RSRP1: variants seen among roughly 807,000 people sequenced by gnomAD.
RSRP1 encodes arginine/serine-rich protein 1.
In RSRP1, 37 loss-of-function variants were observed where a neutral mutation model predicts 33.0. The ratio of observed to expected loss-of-function variants is 1.12; its 90% confidence interval spans 0.86 to 1.48. The LOEUF (loss-of-function observed/expected upper bound fraction) is 1.48. Ranked by LOEUF, RSRP1 falls within the 40% of genes most tolerant of loss-of-function variation. The probability of loss-of-function intolerance (pLI) is 0.00; values close to 1 mark genes in which losing one functional copy is unlikely to be tolerated. For missense variants in RSRP1, 402 were observed against 385.3 expected, an observed-to-expected ratio of 1.04 and a Z score of -0.36; for synonymous variants, 167 against 158.7, an observed-to-expected ratio of 1.05 and a Z score of -0.40.
rs1320086255 is a variant in RSRP1, at chr1:25,315,473, T to C, written c.-67+22505A>G. On this transcript the variant is annotated intron_variant, in intron 1 of 1. Transcript: ENST00000561867. ...AGCAGGGTGGCAACTCTTTTTATCT[T>C]TTTAATTTATTTTTCTTTTCTTTCT... Among the ~76,000 whole-genome samples, 12 of 126,624 alleles carry C rather than the reference T, an allele frequency of 9.5e-5. 1 individual carries two copies. Among genetic ancestry groups the C allele is most frequent in the Non-Finnish European group, 7.4e-5 (4 of 54,356 alleles). The allele number at this position is 126,624 out of a possible 152,430, so 83.1% of individuals were successfully genotyped here.
rs1639289692 is a variant in RSRP1 at position 25,245,431 on chromosome 1, G to A, written c.521-130C>T. ...ATATTAAGTCACTTGTTTTATAATAGGTAAACTAAGGTTGCCCTTGAACAC... is the reference window on the plus strand; with the variant it reads ...ATATTAAGTCACTTGTTTTATAATAAGTAAACTAAGGTTGCCCTTGAACAC... On this transcript the variant is annotated intron_variant, in intron 2 of 4. Coordinates refer to ENST00000243189, the MANE Select transcript of RSRP1 (RefSeq NM_020317.5). 9 of 1,267,402 alleles carry A rather than the reference G, an allele frequency of 7.1e-6. 1 individual carries two copies. In the South Asian group the frequency reaches 1.1e-4, roughly 16 times the overall value. 78.5% of individuals were successfully genotyped at this position (1,267,402 alleles called of 1,614,324 possible).
chr1:25,286,792 A>C (rs1477066069), intron 1 of RSRP1, among the ~76,000 whole-genome samples: 2 of 132,532 alleles, frequency 1.5e-5, no homozygotes, highest in Non-Finnish European at 3.5e-5. Context: ...TCTCAAAAAA[A>C]AAAAACAAAA....
chr1:25,253,916 G>A (rs1272377391), intron 1 of RSRP1: 2 of 152,206 alleles, frequency 1.3e-5, no homozygotes, highest in East Asian at 1.9e-4. Flanking sequence ...AGGATTAGAG[G>A]AGCGTATCCA....
chr1:25,251,074 G>A (rs1479629772), upstream of RSRP1, among the ~76,000 whole-genome samples: 1 of 151,862 alleles, frequency 6.6e-6, no homozygotes, highest in African/African-American at 2.4e-5. Flanking sequence ...GCAAGGGCAG[G>A]GAAAGAACTC....
chr1:25,244,085 G>A (rs985869400), intron 3 of RSRP1: 18 of 1,211,624 alleles, frequency 1.5e-5, no homozygotes, highest in Admixed American at 3.6e-5. Flanking sequence ...CCCCCGAGAC[G>A]GGAGTCTTGC....
chr1:25,322,775 G>A (rs1571763485), intron 1 of RSRP1, among the ~76,000 whole-genome samples: 1 of 121,916 alleles, frequency 8.2e-6, no homozygotes, highest in East Asian at 2.0e-4. Flanking sequence ...TTTATTAGCC[G>A]GCGACCTAGA....
At chr1:25,270,202 G>A (rs1014407092) in intron 1 of RSRP1, among the ~76,000 whole-genome samples, 1 of 131,626 alleles carries the variant, frequency 7.6e-6, no homozygotes, top group African/African-American at 2.6e-5. Context: ...CTGACCTCTG[G>A]GGATTGGGGT....
chr1:25,282,670 A>G lies in RSRP1; in HGVS notation c.-66-35641T>C, dbSNP rs1373641627. On this transcript the variant is annotated intron_variant, in intron 1 of 1. Transcript: ENST00000561867. ...CTGGGCACGATGGCTCATGCCTGTAATCCCAGCACTTTGGGAGACGGAGGT... is the reference window on the plus strand; with the variant it reads ...CTGGGCACGATGGCTCATGCCTGTAGTCCCAGCACTTTGGGAGACGGAGGT... 1.5e-5 allele frequency among the ~76,000 whole-genome samples: 2 copies of G among 132,036 alleles called. 1 individual carries two copies. The highest frequency in any genetic ancestry group is 1.5e-4 in the Admixed American group (2 of 13,528). 86.6% of individuals were successfully genotyped at this position (132,036 alleles called of 152,430 possible). A position where few individuals can be genotyped will look rare whatever the true frequency, so the allele number is the denominator to read the frequency against.
At chr1:25,260,291 A>C (rs1487353379) in intron 1 of RSRP1, among the ~76,000 whole-genome samples, 1 of 152,234 alleles carries the variant, frequency 6.6e-6, no homozygotes, top group Non-Finnish European at 1.5e-5. Context: ...AAGCCAACAA[A>C]CTACCAAGTT....
chr1:25,312,941 A>AAAAAAAAAAAAAAAC (rs1301877779), intron 1 of RSRP1, among the ~76,000 whole-genome samples: 4 of 109,426 alleles, frequency 3.7e-5, no homozygotes, highest in Non-Finnish European at 6.7e-5. Flanking sequence ...AAAAAAAAAA[A>AAAAAAAAAAAAAAAC]AAAAAAAAAA....
chr1:25,247,081 G>A, intron 1 of RSRP1, 52 bp from the exon 2 acceptor site: 1 of 1,146,160 alleles, frequency 8.7e-7, no homozygotes, highest in East Asian at 2.7e-5. Context: ...CCGGCGCCTG[G>A]CCACCCGGAA....
intron 1 of RSRP1, among the ~76,000 whole-genome samples, chr1:25,330,958 T>C (rs1306509112): frequency 1.3e-5 from 1 of 77,516 alleles, no homozygotes; most frequent in Non-Finnish European, 3.1e-5. Flanking sequence ...TCTTCCTTTT[T>C]TTTTTTTTTT....
rs121912762 is a variant in RSRP1 at position 25,284,753 on chromosome 1, T to C, written c.-66-37724A>G. ...CCTTCTGGGAAGGTGGTCATCACAC[T>C]GTTCAGGTATTGGGATGGTGGCTGG... On this transcript the variant is annotated intron_variant, in intron 1 of 1. Transcript: ENST00000561867. 1.5e-3 allele frequency: 2,025 copies of C among 1,388,154 alleles called. 7 individuals are homozygous for C. Among genetic ancestry groups the C allele is most frequent in the Middle Eastern group, 3.1e-3 (17 of 5,538 alleles). 86.0% of individuals were successfully genotyped at this position (1,388,154 alleles called of 1,614,324 possible).
At chr1:25,261,619 T>TGA (rs1640155546) in intron 1 of RSRP1, among the ~76,000 whole-genome samples, 1 of 151,684 alleles carries the variant, frequency 6.6e-6, no homozygotes, top group African/African-American at 2.4e-5. Context: ...TTAGCCAGGA[T>TGA]GGTCTCAATC....
At chr1:25,303,375 T>C (rs1335027714) in intron 1 of RSRP1, 2 of 1,377,726 alleles carry the variant, frequency 1.5e-6, no homozygotes, top group African/African-American at 2.8e-5. Context: ...GTACCTCGTG[T>C]CACCTGATCC....
chr1:25,278,370 C>A (rs1280428726), intron 1 of RSRP1, among the ~76,000 whole-genome samples: 1 of 130,180 alleles, frequency 7.7e-6, no homozygotes, highest in East Asian at 2.0e-4. Context: ...CAGAGAGTAT[C>A]AATTACCTAT....
chr1:25,278,047 T>C (rs561545693), intron 1 of RSRP1, among the ~76,000 whole-genome samples: 2 of 130,564 alleles, frequency 1.5e-5, no homozygotes, highest in East Asian at 3.9e-4. Context: ...CCAGCTACCC[T>C]GGTGATTGTA....
chr1:25,305,626 T>A (rs1643759183), intron 1 of RSRP1, among the ~76,000 whole-genome samples: 1 of 124,360 alleles, frequency 8.0e-6, no homozygotes, highest in Non-Finnish European at 1.9e-5. Context: ...GTTGAGACGG[T>A]GTCTCGCTCT....
rs1178298068 is a variant in RSRP1 at position 25,334,400 on chromosome 1, G to C, written c.-67+3578C>G. 6.1e-5 allele frequency among the ~76,000 whole-genome samples: 8 copies of C among 132,068 alleles called. 3 individuals are homozygous for C. Among genetic ancestry groups the C allele is most frequent in the Non-Finnish European group, 1.4e-4 (8 of 55,770 alleles). The allele number at this position is 132,068 out of a possible 152,430, so 86.6% of individuals were successfully genotyped here. A position where few individuals can be genotyped will look rare whatever the true frequency, so the allele number is the denominator to read the frequency against. ...CAGCTCTGCCCCTGTACCTTTGCAG[G>C]GTACAGCCTCCCTCTCAGCTGCTTT... On this transcript the variant is annotated intron_variant, in intron 1 of 1. Transcript: ENST00000561867.
Sources: gnomAD v4.1 joint callset for allele counts (sites outside exome capture counted in the v4.1 genomes callset) on GRCh38, gnomAD v4.1.1 for gene constraint, MANE v1.5 for transcripts, NCBI Gene and HGNC (gene_info 2026-07-23, HGNC 2026-07-21) for gene names.